ZNF407: variants seen among roughly 807,000 people sequenced by gnomAD.
ZNF407 encodes the protein zinc finger protein 407.
In ZNF407, 17 loss-of-function variants were observed where a neutral mutation model predicts 131.2. That is an observed-to-expected ratio of 0.13 (90% CI 0.09 to 0.19). ZNF407 has a LOEUF of 0.19. ZNF407 is among the 10% of genes least tolerant of loss of function. The probability of loss-of-function intolerance (pLI) is 1.00; values close to 1 mark genes in which losing one functional copy is unlikely to be tolerated. For missense variants in ZNF407, 2,681 were observed against 2,830.6 expected (o/e 0.95, Z 1.20); for synonymous variants, 1,156 against 1,062.0 (o/e 1.09, Z -1.72).
intron 4 of ZNF407, among the ~76,000 whole-genome samples, chr18:74,874,580 G>A (rs1442629481): frequency 3.9e-5 from 6 of 152,082 alleles, no homozygotes; most frequent in Non-Finnish European, 1.5e-5. Flanking sequence ...CTCTAGCTCC[G>A]GGACTGTGCA....
chr18:74,743,182 G>A (rs947329166), intron 3 of ZNF407, among the ~76,000 whole-genome samples: 2 of 152,120 alleles, frequency 1.3e-5, no homozygotes, highest in African/African-American at 4.8e-5. Context: ...CAGGGGTTAG[G>A]GATTACAATG....
chr18:74,746,028 G>A (rs1968660861), intron 3 of ZNF407, among the ~76,000 whole-genome samples: 1 of 152,132 alleles, frequency 6.6e-6, no homozygotes, highest in Non-Finnish European at 1.5e-5. Context: ...AAACATCATG[G>A]AGTGTATTTA....
At chr18:74,646,193 T>C (rs934175739) in intron 3 of ZNF407, among the ~76,000 whole-genome samples, 2 of 152,228 alleles carry the variant, frequency 1.3e-5, no homozygotes, top group African/African-American at 2.4e-5. Flanking sequence ...CTGTGAGAAC[T>C]AAAGCTGTGT....
At chr18:74,877,631 A>ATG (rs1971177808) in intron 5 of ZNF407, among the ~76,000 whole-genome samples, 1 of 152,190 alleles carries the variant, frequency 6.6e-6, no homozygotes, top group South Asian at 2.1e-4. Flanking sequence ...TGGTGTATGT[A>ATG]TGTGTATATA....
chr18:74,801,933 G>C (rs1301785870), intron 4 of ZNF407, among the ~76,000 whole-genome samples: 1 of 152,040 alleles, frequency 6.6e-6, no homozygotes, highest in African/African-American at 2.4e-5. Flanking sequence ...CTAGAAGAAA[G>C]TGCTCTTCCT....
intron 3 of ZNF407, among the ~76,000 whole-genome samples, chr18:74,692,023 A>C (rs1029539659): frequency 1.3e-5 from 2 of 152,036 alleles, no homozygotes; most frequent in African/African-American, 4.8e-5. Context: ...GAGCCTGTGA[A>C]GTCGAGGCTG....
At chr18:74,804,064 T>C (rs1334168655) in intron 4 of ZNF407, 1 of 1,551,518 alleles carries the variant, frequency 6.4e-7, no homozygotes. Context: ...TGAGCACTTT[T>C]CATAACTGAT....
intron 3 of ZNF407, among the ~76,000 whole-genome samples, chr18:74,685,878 T>C (rs1333555963): frequency 1.3e-5 from 2 of 152,232 alleles, no homozygotes; most frequent in Non-Finnish European, 2.9e-5. Context: ...TAATACACTG[T>C]GCCATTTAGT....
chr18:74,807,851 C>T (rs1970135211), intron 4 of ZNF407, among the ~76,000 whole-genome samples: 1 of 152,080 alleles, frequency 6.6e-6, no homozygotes, highest in Non-Finnish European at 1.5e-5. Context: ...TACTCACGGA[C>T]ACATACATTG....
rs746423238 is a variant in ZNF407, at chr18:74,634,880, T to G, written c.3861T>G (p.Arg1287=). Reference sequence around the variant, plus strand: ...GCGGGGGTCAGAACAGAGTTGCACGTGGGCATGGTTTGGAAGACTTGAAAG... The same window carrying G: ...GCGGGGGTCAGAACAGAGTTGCACGGGGGCATGGTTTGGAAGACTTGAAAG... ...LESGGQNRVA[R]GHGLEDLKGV... Residue 1287 remains arginine (R), a synonymous_variant, in exon 2 of 9, where the codon CGT becomes CGG. Transcript: ENST00000299687. The G allele has an allele frequency of 6.2e-7, 1 of 1,613,578 alleles. No homozygotes were observed. The highest frequency in any genetic ancestry group is 1.7e-5 in the Admixed American group (1 of 59,946).
intron 1 of ZNF407, among the ~76,000 whole-genome samples, chr18:74,605,092 C>T (rs1413290863): frequency 6.6e-6 from 1 of 152,198 alleles, no homozygotes; most frequent in Admixed American, 6.5e-5. Context: ...TTTTCACTCA[C>T]CGTTTGCCAC....
In ZNF407 at chr18:74,886,470, G is replaced by A. The variant is rs1295200133; in HGVS notation, c.5129-3448G>A. 2.6e-5 allele frequency among the ~76,000 whole-genome samples: 4 copies of A among 152,162 alleles called. No individual in the cohort carries two copies. The East Asian group carries it at 7.7e-4, about 29-fold the overall frequency. ...AAGGCTCAGAGAAGGTTTGTTTGTGGTAGTAGCCAAAAATGGAAACAACTC... is the reference window on the plus strand; with the variant it reads ...AAGGCTCAGAGAAGGTTTGTTTGTGATAGTAGCCAAAAATGGAAACAACTC... On this transcript the variant is annotated intron_variant, in intron 6 of 8. Transcript: ENST00000299687.
intron 3 of ZNF407, among the ~76,000 whole-genome samples, chr18:74,755,280 G>C (rs1968903304): frequency 6.6e-6 from 1 of 151,704 alleles, no homozygotes; most frequent in East Asian, 1.9e-4. Context: ...ATTACCGATG[G>C]GTCTTGATTC....
At chr18:74,774,950 A>G (rs1196190911) in intron 3 of ZNF407, among the ~76,000 whole-genome samples, 1 of 152,236 alleles carries the variant, frequency 6.6e-6, no homozygotes, top group African/African-American at 2.4e-5. Context: ...GGAAGCAGGC[A>G]TCCCAAAACG....
chr18:74,780,277 A>T (rs780572858), intron 3 of ZNF407, among the ~76,000 whole-genome samples: 12 of 152,188 alleles, frequency 7.9e-5, no homozygotes, highest in Non-Finnish European at 1.8e-4. Flanking sequence ...AATAAATTAG[A>T]CATTTAGACA....
chr18:74,861,552 A>G (rs1185155440), intron 4 of ZNF407, among the ~76,000 whole-genome samples: 5 of 152,228 alleles, frequency 3.3e-5, no homozygotes, highest in Non-Finnish European at 7.3e-5. Flanking sequence ...CATATTCAGG[A>G]CAGGAATAAC....
chr18:74,832,700 C>T (rs1046581795), intron 4 of ZNF407, among the ~76,000 whole-genome samples: 12 of 152,056 alleles, frequency 7.9e-5, no homozygotes, highest in African/African-American at 2.9e-4. Context: ...GTAGATTTTA[C>T]TTAGGGTAAT....
chr18:74,705,029 A>G (rs767705808), intron 3 of ZNF407, among the ~76,000 whole-genome samples: 3 of 152,188 alleles, frequency 2.0e-5, no homozygotes, highest in Non-Finnish European at 4.4e-5. Flanking sequence ...TTGTCTAAAT[A>G]TCATTGCATT....
chr18:75,055,346 C>A (rs760488767), intron 8 of ZNF407, among the ~76,000 whole-genome samples: 2 of 152,150 alleles, frequency 1.3e-5, no homozygotes, highest in South Asian at 4.1e-4. Flanking sequence ...TTGTGCACCA[C>A]GATCTCTCTG....
Sources: allele counts gnomAD v4.1 joint callset (sites outside exome capture counted in the v4.1 genomes callset), GRCh38; gene constraint gnomAD v4.1.1; transcripts MANE v1.5; gene names NCBI Gene and HGNC (gene_info 2026-07-23, HGNC 2026-07-21).